Variants in SEMA6C observed in about 807,000 individuals in gnomAD.
SEMA6C encodes semaphorin 6C, also known as semaphorin-6C.
SEMA6C carries 37 observed loss-of-function variants against 72.9 expected under a neutral mutation model. The ratio of observed to expected loss-of-function variants is 0.51; its 90% CI spans 0.39 to 0.67. The LOEUF (loss-of-function observed/expected upper bound fraction) is 0.67, where lower values mean the gene tolerates loss of function less well. Ranked by LOEUF, SEMA6C falls within the 30% of genes least tolerant of loss-of-function variation. The pLI is 0.00. For missense variants in SEMA6C, 1,189 were observed against 1,263.6 expected (o/e 0.94, Z 0.89); for synonymous variants, 578 against 554.1 (o/e 1.04, Z -0.61).
chr1:151,138,910 C>G (rs764264395), intron 6 of SEMA6C, among the ~76,000 whole-genome samples, 179 bp from the exon 7 acceptor site: 1 of 151,928 alleles, frequency 6.6e-6, no homozygotes, highest in African/African-American at 2.4e-5. Flanking sequence ...CTGGGCAACA[C>G]GGTGAAACCC....
rs1414874689 is a variant in SEMA6C, at chr1:151,133,051, G to A, written c.2226C>T (p.Gly742=). The change falls in exon 19 of 19, where the codon GGC becomes GGT. Residue 742 remains glycine (G), a synonymous_variant. Coordinates refer to ENST00000368914, the MANE Select transcript of SEMA6C (RefSeq NM_030913.6). The surrounding 1 kb of genome is among the most constrained non-coding windows in gnomAD (Gnocchi z 5.9). Reference sequence around the variant, plus strand: ...TCACCAGCACGCGGGGCGCGGGCCCGCCCGCCGCGTGCCCGCCCCGTGAGC... The same window carrying A: ...TCACCAGCACGCGGGGCGCGGGCCCACCCGCCGCGTGCCCGCCCCGTGAGC... ...PGRSRGGHAA[G]GPAPRVLVRP... 2 of 1,417,492 alleles carry A rather than the reference G, an allele frequency of 1.4e-6. No homozygotes were observed. The highest frequency in any genetic ancestry group is 1.8e-6 in the Non-Finnish European group (2 of 1,095,328). 87.8% of individuals were successfully genotyped at this position (1,417,492 alleles called of 1,614,324 possible). A position where few individuals can be genotyped will look rare whatever the true frequency, so the allele number is the denominator to read the frequency against.
In SEMA6C at chr1:151,132,547, C is replaced by T. The variant is rs1286689125; in HGVS notation, c.2730G>A (p.Lys910=). 2.6e-6 allele frequency: 4 copies of T among 1,550,928 alleles called. No individual in the cohort carries two copies. The Admixed American group carries it at 5.9e-5, about 23-fold the overall frequency. Residue 910 remains lysine (K), a synonymous_variant, in exon 19 of 19, where the codon AAG becomes AAA. Coordinates refer to ENST00000368914, the MANE Select transcript of SEMA6C (RefSeq NM_030913.6). The part of the protein sequence containing the change: ...VDVEKPQLSL[K]PPLVGPSSRQ... ...GGGAGGAGGGCCCGACGAGGGGAGG[C>T]TTCAGGGACAACTGGGGCTTCTCGA... is the stretch of plus-strand genomic sequence containing the variant.
chr1:151,140,182 G>C, intron 3 of SEMA6C, 92 bp from the exon 4 acceptor site: 1 of 999,968 alleles, frequency 1.0e-6, no homozygotes, highest in Non-Finnish European at 1.6e-6. Context: ...GGACACAGTG[G>C]ATGTGTGAGG....
chr1:151,132,690 G>A lies in SEMA6C; in HGVS notation c.2587C>T (p.Leu863=). Residue 863 remains leucine (L), a synonymous_variant, in exon 19 of 19, where the codon CTG becomes TTG. Transcript: ENST00000368914. ...CCTCCCGAGGGGACTCGAGTGAGCA[G>A]GGCAGGGGGGGCCCGGTGGCCGGAG... The part of the protein sequence containing the change: ...PFSGHRAPPA[L]LTRVPSGGPS... 6.6e-7 allele frequency: 1 copy of A among 1,504,024 alleles called. No homozygotes were observed. Among genetic ancestry groups the A allele is most frequent in the Non-Finnish European group, 8.9e-7 (1 of 1,125,132 alleles). 93.2% of individuals were successfully genotyped at this position (1,504,024 alleles called of 1,614,324 possible).
In SEMA6C at chr1:151,133,048, C is replaced by T; in HGVS notation, c.2229G>A (p.Gly743=). ...GRSRGGHAAG[G]PAPRVLVRPP... is the part of the protein sequence containing the mutation. The stretch of plus-strand genomic sequence containing the variant: ...GCCTCACCAGCACGCGGGGCGCGGG[C>T]CCGCCCGCCGCGTGCCCGCCCCGTG... Residue 743 remains glycine, a synonymous_variant, in exon 19 of 19, where the codon GGG becomes GGA. Transcript: ENST00000368914. This position sits in a 1 kb window ranked among gnomAD's most constrained non-coding sequence, Gnocchi z 5.9. 1 of 1,414,516 alleles carries T rather than the reference C, an allele frequency of 7.1e-7. No individual in the cohort carries two copies. The allele number at this position is 1,414,516 out of a possible 1,614,324, so 87.6% of individuals were successfully genotyped here. A position where few individuals can be genotyped will look rare whatever the true frequency, so the allele number is the denominator to read the frequency against.
intron 10 of SEMA6C, among the ~76,000 whole-genome samples, chr1:151,137,351 C>T (rs1056304881): frequency 6.8e-6 from 1 of 147,942 alleles, no homozygotes; most frequent in Admixed American, 7.0e-5. Context: ...GAGGCTGAGG[C>T]AGGAGAATGG....
rs370779347 is a variant in SEMA6C at position 151,137,054 on chromosome 1, G to A, written c.777C>T (p.Ala259=). 1.9e-6 allele frequency: 3 copies of A among 1,613,518 alleles called. No individual in the cohort carries two copies. Among genetic ancestry groups the A allele is most frequent in the Non-Finnish European group, 8.5e-7 (1 of 1,180,042 alleles). ...CGCCCATGTCACGTTTACATACTCG[G>A]GCTACGCGGGAGAACTGCACCTAGG... ...RLGRVQFSRV[A]RVCKRDMGGS... The change falls in exon 11 of 19, where the codon GCC becomes GCT. Residue 259 remains alanine (A), a synonymous_variant. Transcript: ENST00000368914.
In SEMA6C at chr1:151,138,128, GTCAGGGGAGGGC is replaced by G. The variant is rs770015347; in HGVS notation, c.548-35_548-24del. On this transcript the variant is annotated intron_variant, in intron 8 of 18. Coordinates refer to ENST00000368914, the MANE Select transcript of SEMA6C (RefSeq NM_030913.6). ...CCTCTGGAGGGATGGGTGGAGTGGG[GTCAGGGGAGGGC>G]TCAGGGATCTGTATCCTGCCTCTTC... is the stretch of plus-strand genomic sequence containing the variant. The G allele has an allele frequency of 3.1e-6, 5 of 1,612,438 alleles. No individual in the cohort carries two copies. In the East Asian group the frequency reaches 6.7e-5, roughly 22 times the overall value.
chr1:151,134,621 T>C lies in SEMA6C; in HGVS notation c.1713A>G (p.Gln571=). The C allele has an allele frequency of 6.2e-7, 1 of 1,614,206 alleles. No individual in the cohort carries two copies. Among genetic ancestry groups the C allele is most frequent in the East Asian group, 2.2e-5 (1 of 44,890 alleles). ...ACAGCAGCTGCCTCTTCTGTTTACC[T>C]TGGCAGTCACCATGCTCCATGGATT... ...NQESMEHGDC[Q]DGATGSQSGP... is the part of the protein sequence containing the mutation. The change falls in exon 17 of 19, where the codon CAA becomes CAG. Residue 571 remains glutamine (Q), a splice_region_variant and synonymous_variant. Coordinates refer to ENST00000368914, the MANE Select transcript of SEMA6C (RefSeq NM_030913.6).
intron 18 of SEMA6C, 174 bp downstream of exon 18, chr1:151,134,227 A>G (rs913095353): frequency 4.0e-5 from 31 of 768,364 alleles, no homozygotes; most frequent in Non-Finnish European, 6.3e-5. Flanking sequence ...TATTTGTTCA[A>G]AAAGTACCCT....
At chr1:151,136,339 T>C (rs980368238) in intron 12 of SEMA6C, 109 bp downstream of exon 12, 2 of 1,514,270 alleles carry the variant, frequency 1.3e-6, no homozygotes, top group Non-Finnish European at 8.9e-7. Flanking sequence ...CACCCCACTA[T>C]AGCTCCCCAC....
Position 151,140,101 on chromosome 1 carries a change from CAG to C in SEMA6C, c.119-13_119-12del. The C allele has an allele frequency of 1.9e-6, 3 of 1,608,764 alleles. No homozygotes were observed. Among genetic ancestry groups the C allele is most frequent in the Non-Finnish European group, 2.6e-6 (3 of 1,176,090 alleles). Reference sequence around the variant, plus strand: ...ATAATGGGGAAGTACCTTGAGGACACAGAGAGATAGGATTCTGAGGATACCAC... The same window carrying C: ...ATAATGGGGAAGTACCTTGAGGACACAGAGATAGGATTCTGAGGATACCAC... On this transcript the variant is annotated splice_polypyrimidine_tract_variant and intron_variant, in intron 3 of 18. Transcript: ENST00000368914.
rs754775177 is a variant in SEMA6C at position 151,142,064 on chromosome 1, C to T, written c.118+440G>A. On this transcript the variant is annotated intron_variant, in intron 3 of 18. Coordinates refer to ENST00000368914, the MANE Select transcript of SEMA6C (RefSeq NM_030913.6). ...TGTTCTTTTTTTTTTTTTTTTGAGA[C>T]GGAGTCTCGCTCTGTTGCCCAGGCT... 7.2e-4 allele frequency among the ~76,000 whole-genome samples: 102 copies of T among 141,486 alleles called. 1 individual carries two copies. Among genetic ancestry groups the T allele is most frequent in the Middle Eastern group, 8.1e-3 (2 of 248 alleles). 92.8% of individuals were successfully genotyped at this position (141,486 alleles called of 152,430 possible).
Position 151,136,154 on chromosome 1 carries a change from G to T in SEMA6C, c.1116C>A (p.Ser372=), listed in dbSNP as rs879621809. The T allele has an allele frequency of 1.1e-5, 18 of 1,613,770 alleles. No individual in the cohort carries two copies. Among genetic ancestry groups the T allele is most frequent in the Non-Finnish European group, 1.5e-5 (18 of 1,179,974 alleles). The change falls in exon 13 of 19, where the codon TCC becomes TCA. Residue 372 remains serine, a synonymous_variant. Transcript: ENST00000368914. ...AGGCAGCTCCCCCTACTCCTGCACA[G>T]GATCCTGGCCTGGTGGGTGAATGGG... ...EDRVPSPRPG[S]CAGVGGAALF...
At chr1:151,139,901 A>G in intron 4 of SEMA6C, 75 bp downstream of exon 4, 3 of 1,405,968 alleles carry the variant, frequency 2.1e-6, no homozygotes, top group Non-Finnish European at 3.0e-6. Context: ...GCAAGATGCT[A>G]CAGTGGCCAT....
chr1:151,136,301 C>A (rs1397758769), intron 12 of SEMA6C, 138 bp from the exon 13 acceptor site: 1 of 1,473,044 alleles, frequency 6.8e-7, no homozygotes, highest in Admixed American at 1.9e-5. Context: ...CTGTCCCCTT[C>A]CCTGCCGCAG....
At position 151,136,946 on chromosome 1, in the gene SEMA6C, G is replaced by A. The variant is rs772902413; in HGVS notation, c.885C>T (p.Phe295=). 9.3e-6 allele frequency: 15 copies of A among 1,614,074 alleles called. No homozygotes were observed. Among genetic ancestry groups the A allele is most frequent in the Admixed American group, 8.3e-5 (5 of 60,006 alleles). ...LNCSVPGDST[F]YFDVLQALTG... is the part of the protein sequence containing the mutation. ...TCAAGGCCTGTAAAACATCAAAATA[G>A]AAAGTAGAGTCCCCAGGGACAGAGC... Residue 295 remains phenylalanine (F), a synonymous_variant, in exon 11 of 19, where the codon TTC becomes TTT. Transcript: ENST00000368914.
At chr1:151,140,545 C>G (rs1306493429) in intron 3 of SEMA6C, among the ~76,000 whole-genome samples, 1 of 152,206 alleles carries the variant, frequency 6.6e-6, no homozygotes, top group East Asian at 1.9e-4. Context: ...TCTGCACCCT[C>G]CCCTCAAGGC....
chr1:151,133,295 C>A lies in SEMA6C; in HGVS notation c.1982G>T (p.Gly661Val). 2 of 1,577,610 alleles carry A rather than the reference C, an allele frequency of 1.3e-6. No homozygotes were observed. The highest frequency in any genetic ancestry group is 2.3e-5 in the East Asian group (1 of 42,894). ...CTTGGAGGGCGGCGGGGGCTCTGGG[C>A]CCCCACCGTGGAGCCGGGCCAAACT... is the stretch of plus-strand genomic sequence containing the variant. ...LRSLARLHGG[G>V]PEPPPPSKDG... Residue 661 changes from glycine to valine, a missense_variant, in exon 19 of 19, where the codon GGC becomes GTC. Coordinates refer to ENST00000368914, the MANE Select transcript of SEMA6C (RefSeq NM_030913.6). This position sits in a 1 kb window ranked among gnomAD's most constrained non-coding sequence, Gnocchi z 5.9.
Sources: gnomAD v4.1 joint callset for allele counts (sites outside exome capture counted in the v4.1 genomes callset) on GRCh38, gnomAD v4.1.1 for gene constraint, Gnocchi (gnomAD v3.1) non-coding constraint, MANE v1.5 for transcripts, NCBI Gene and HGNC (gene_info 2026-07-23, HGNC 2026-07-21) for gene names.